The following DCAF16 variants were observed in gnomAD, a reference collection of about 807,000 sequenced individuals.
DCAF16 encodes the protein DDB1 and CUL4 associated factor 16, also known as DDB1- and CUL4-associated factor 16.
A neutral mutation model predicts 17.3 loss-of-function variants in DCAF16; 10 were observed. The ratio of observed to expected loss-of-function variants is 0.58; its 90% CI spans 0.36 to 0.98. DCAF16 has a LOEUF of 0.98. Among genes scored for constraint, DCAF16 ranks in the 50% least tolerant of loss-of-function variants. The pLI, the probability that DCAF16 is intolerant of heterozygous loss-of-function variation, is 0.01. For synonymous variants in DCAF16, 111 were observed against 92.8 expected (o/e 1.20, Z -1.12); for missense variants, 249 against 247.6 (o/e 1.01, Z -0.04).
chr4:17,803,953 G>A lies in DCAF16; in HGVS notation c.189C>T (p.Ser63=). 1 of 1,614,138 alleles carries A rather than the reference G, an allele frequency of 6.2e-7. No individual in the cohort carries two copies. The highest frequency in any genetic ancestry group is 8.5e-7 in the Non-Finnish European group (1 of 1,180,040). ...TAGGATTTAAAGGTTTCCAAGTTGT[G>A]GAATATTTTAAAAGGCACTTAACCT... ...AWQVKCLLKY[S]TTWKPLNPNS... Residue 63 remains serine (S), a synonymous_variant, in exon 3 of 3, where the codon TCC becomes TCT. Transcript: ENST00000382247.
downstream of DCAF16, among the ~76,000 whole-genome samples, chr4:17,798,882 C>T (rs1258189178): frequency 1.3e-5 from 2 of 152,178 alleles, no homozygotes; most frequent in South Asian, 2.1e-4. Flanking sequence ...ACATCATAGA[C>T]ATTTTTCTTT....
intron 1 of DCAF16, among the ~76,000 whole-genome samples, chr4:17,806,867 GC>G (rs1720375348): frequency 6.6e-6 from 1 of 152,068 alleles, no homozygotes; most frequent in South Asian, 2.1e-4. Context: ...TAGAAACAGA[GC>G]TATATATAAT....
intron 1 of DCAF16, among the ~76,000 whole-genome samples, chr4:17,805,679 G>C (rs1720259936): frequency 6.6e-6 from 1 of 152,146 alleles, no homozygotes; most frequent in African/African-American, 2.4e-5. Context: ...GTGAAGTCAG[G>C]GGCAGGACAC....
intron 1 of DCAF16, among the ~76,000 whole-genome samples, chr4:17,808,121 C>T (rs531748566): frequency 6.6e-6 from 1 of 152,210 alleles, no homozygotes; most frequent in Non-Finnish European, 1.5e-5. Flanking sequence ...TTTTTTAAGG[C>T]AGGATCAACA....
At position 17,803,295 on chromosome 4, in the gene DCAF16, G is replaced by A. The variant is rs1719967454; in HGVS notation, c.*196C>T. 1.7e-6 allele frequency: 1 copy of A among 587,364 alleles called. No homozygotes were observed. The highest frequency in any genetic ancestry group is 2.0e-5 in the South Asian group (1 of 48,826). The allele number at this position is 587,364 out of a possible 1,614,324, so 36.4% of individuals were successfully genotyped here. A position where few individuals can be genotyped will look rare whatever the true frequency, so the allele number is the denominator to read the frequency against. On this transcript the variant is annotated 3_prime_UTR_variant, in exon 3 of 3. Transcript: ENST00000382247. ...CCGCCTCAGCCTCCCAAAGTGCTGG[G>A]ATTACAGGTGTGAGCCACCATGCCT...
At position 17,804,195 on chromosome 4, in the gene DCAF16, A is replaced by T; in HGVS notation, c.-54T>A. 7.5e-7 allele frequency: 1 copy of T among 1,338,294 alleles called. No homozygotes were observed. The highest frequency in any genetic ancestry group is 1.4e-5 in the South Asian group (1 of 73,878). The allele number at this position is 1,338,294 out of a possible 1,614,324, so 82.9% of individuals were successfully genotyped here. On this transcript the variant is annotated 5_prime_UTR_variant, in exon 3 of 3. Transcript: ENST00000382247. ...AAAGGTAATAATCTAAGCCAGCAGA[A>T]CACTGACTAACACTGGCAAATAGAA...
At chr4:17,798,511 G>A (rs1719534614), downstream of DCAF16, among the ~76,000 whole-genome samples, 1 of 151,718 alleles carries the variant, frequency 6.6e-6, no homozygotes, top group South Asian at 2.1e-4. Flanking sequence ...TGGGAGGATG[G>A]CTTGAGCCCA....
chr4:17,795,979 C>A (rs1336800475), downstream of DCAF16, among the ~76,000 whole-genome samples: 1 of 152,132 alleles, frequency 6.6e-6, no homozygotes, highest in African/African-American at 2.4e-5. Flanking sequence ...GAAAAGTGGA[C>A]TGGAGGCTCA....
At chr4:17,796,764 T>G (rs1199979622), downstream of DCAF16, among the ~76,000 whole-genome samples, 1 of 152,062 alleles carries the variant, frequency 6.6e-6, no homozygotes, top group African/African-American at 2.4e-5. Flanking sequence ...TTTAAAAAAT[T>G]TGTGTTTGCA....
At chr4:17,809,955 A>T (rs1332985994) in intron 1 of DCAF16, among the ~76,000 whole-genome samples, 5 of 152,114 alleles carry the variant, frequency 3.3e-5, no homozygotes, top group Non-Finnish European at 5.9e-5. Flanking sequence ...TCTGATACAG[A>T]TCCTTTACTG....
chr4:17,799,252 CT>C (rs1317033733), downstream of DCAF16, among the ~76,000 whole-genome samples: 1 of 152,110 alleles, frequency 6.6e-6, no homozygotes, highest in Non-Finnish European at 1.5e-5. Flanking sequence ...CCATTCAATT[CT>C]TTTATATGAT....
chr4:17,804,302 C>A lies in DCAF16; in HGVS notation c.-161G>T. On this transcript the variant is annotated 5_prime_UTR_variant, in exon 3 of 3. Coordinates refer to ENST00000382247, the MANE Select transcript of DCAF16 (RefSeq NM_017741.4). The stretch of plus-strand genomic sequence containing the variant: ...CATAAAGTATGCTTGTGGCCCATAC[C>A]ACTGTGCCGTTCTTCAAGATTATGT... 1.6e-6 allele frequency: 1 copy of A among 644,734 alleles called. No homozygotes were observed. The highest frequency in any genetic ancestry group is 2.7e-6 in the Non-Finnish European group (1 of 364,338). 39.9% of individuals were successfully genotyped at this position (644,734 alleles called of 1,614,324 possible). A position where few individuals can be genotyped will look rare whatever the true frequency, so the allele number is the denominator to read the frequency against.
At chr4:17,799,369 T>C (rs1719586359), downstream of DCAF16, among the ~76,000 whole-genome samples, 2 of 152,354 alleles carry the variant, frequency 1.3e-5, no homozygotes, top group South Asian at 4.1e-4. Context: ...GGGTAACATA[T>C]AGGTTCATAT....
rs1396168331 is a variant in DCAF16 at position 17,803,429 on chromosome 4, A to G, written c.*62T>C. On this transcript the variant is annotated 3_prime_UTR_variant, in exon 3 of 3. Coordinates refer to ENST00000382247, the MANE Select transcript of DCAF16 (RefSeq NM_017741.4). ...GAAGGCATTAGTGGGCTGTGTAATG[A>G]CTAACTTTGTACCACTTTCTCAATT... The G allele has an allele frequency of 2.4e-5, 36 of 1,489,084 alleles. 1 individual carries two copies. The Middle Eastern group carries it at 7.1e-4, about 29-fold the overall frequency. 92.2% of individuals were successfully genotyped at this position (1,489,084 alleles called of 1,614,324 possible). A position where few individuals can be genotyped will look rare whatever the true frequency, so the allele number is the denominator to read the frequency against.
At chr4:17,808,657 C>T (rs1720543958) in intron 1 of DCAF16, among the ~76,000 whole-genome samples, 1 of 151,854 alleles carries the variant, frequency 6.6e-6, no homozygotes, top group African/African-American at 2.4e-5. Flanking sequence ...TGACCTCTGG[C>T]GGCCAGATGT....
downstream of DCAF16, among the ~76,000 whole-genome samples, chr4:17,797,960 G>A (rs760114944): frequency 1.3e-5 from 2 of 152,168 alleles, no homozygotes; most frequent in Non-Finnish European, 2.9e-5. Flanking sequence ...TAAAACTATA[G>A]TACCAGCTCC....
chr4:17,801,200 C>T lies in DCAF16; in HGVS notation c.*2291G>A, dbSNP rs989533215. ...CTGGAGTGCAGTGGCGCGATCTCAG[C>T]TCATTGCAACCTCCACCTCCCAGGT... On this transcript the variant is annotated 3_prime_UTR_variant, in exon 3 of 3. Transcript: ENST00000382247. 1.3e-5 allele frequency: 2 copies of T among 151,970 alleles called. No homozygotes were observed. Among genetic ancestry groups the T allele is most frequent in the Non-Finnish European group, 1.5e-5 (1 of 68,070 alleles). The allele number at this position is 151,970 out of a possible 1,614,324, so 9.4% of individuals were successfully genotyped here.
chr4:17,801,522 A>G lies in DCAF16; in HGVS notation c.*1969T>C, dbSNP rs1448392886. ...AAAATAAGGAAGAGGATATATATAT[A>G]ACTTTTCACAATCTCTTTTCTGATT... On this transcript the variant is annotated 3_prime_UTR_variant, in exon 3 of 3. Coordinates refer to ENST00000382247, the MANE Select transcript of DCAF16 (RefSeq NM_017741.4). 6.6e-6 allele frequency: 1 copy of G among 152,194 alleles called. No individual in the cohort carries two copies. Among genetic ancestry groups the G allele is most frequent in the Non-Finnish European group, 1.5e-5 (1 of 68,030 alleles). The allele number at this position is 152,194 out of a possible 1,614,324, so 9.4% of individuals were successfully genotyped here.
At chr4:17,809,288 G>C (rs1332112586) in intron 1 of DCAF16, 1 of 152,130 alleles carries the variant, frequency 6.6e-6, no homozygotes, top group African/African-American at 2.4e-5. Context: ...GCTTAGCATG[G>C]TGTCTGGCAC....
Sources: allele counts gnomAD v4.1 joint callset (sites outside exome capture counted in the v4.1 genomes callset), GRCh38; gene constraint gnomAD v4.1.1; transcripts MANE v1.5; gene names NCBI Gene and HGNC (gene_info 2026-07-23, HGNC 2026-07-21).